The following MTDH variants were observed in gnomAD, a reference collection of about 807,000 sequenced individuals.
MTDH encodes metadherin, also known as protein LYRIC.
A neutral mutation model predicts 72.7 loss-of-function variants in MTDH; 34 were observed. That is an observed-to-expected ratio of 0.47 (90% CI 0.36 to 0.62). The LOEUF is 0.62. Among genes scored for constraint, MTDH ranks in the 20% least tolerant of loss-of-function variants. The pLI, the probability that MTDH is intolerant of heterozygous loss-of-function variation, is 0.00. For synonymous variants in MTDH, 266 were observed against 268.9 expected (o/e 0.99, Z 0.10); for missense variants, 677 against 699.4 (o/e 0.97, Z 0.36).
rs753802794 is a variant in MTDH, at chr8:97,713,671, G to T, written c.1282G>T (p.Asp428Tyr). ...TTGCTTTTAACCTAAGGTCTCAGAT[G>T]ATGATAAAGAAAAGGGAGAGGGAGC... ...PIPDDQKVSDDDKEKGEGALP... is the reference protein window; with the variant it reads ...PIPDDQKVSDYDKEKGEGALP... The change falls in exon 9 of 12, where the codon GAT becomes TAT. Residue 428 changes from aspartate (D) to tyrosine (Y), a missense_variant. Physicochemically the swap from Asp to Tyr is radical, Grantham distance 160. This residue lies in a region of MTDH where 201 missense variants were observed against 204.5 expected (regional missense o/e 0.98). Coordinates refer to ENST00000336273, the MANE Select transcript of MTDH (RefSeq NM_178812.4). 4.6e-5 allele frequency: 73 copies of T among 1,591,896 alleles called. 1 individual carries two copies. The Admixed American group carries it at 8.9e-4, about 20-fold the overall frequency.
intron 9 of MTDH, among the ~76,000 whole-genome samples, chr8:97,715,409 G>A (rs62521704): frequency 1.3e-5 from 2 of 152,166 alleles, no homozygotes; most frequent in Non-Finnish European, 2.9e-5. Flanking sequence ...GATTACAGGT[G>A]TGAGCCACCA....
rs905966776 is a variant in MTDH at position 97,725,320 on chromosome 8, A to G, written c.*650A>G. 1 of 152,604 alleles carries G rather than the reference A, an allele frequency of 6.6e-6. No homozygotes were observed. Among genetic ancestry groups the G allele is most frequent in the Admixed American group, 6.5e-5 (1 of 15,268 alleles). 9.5% of individuals were successfully genotyped at this position (152,604 alleles called of 1,614,324 possible). A position where few individuals can be genotyped will look rare whatever the true frequency, so the allele number is the denominator to read the frequency against. ...ATGAAGTTATTTTTGATAGTCTTAC[A>G]TTACTTGAATTGTTCAAAGTACAGT... On this transcript the variant is annotated 3_prime_UTR_variant, in exon 12 of 12. Coordinates refer to ENST00000336273, the MANE Select transcript of MTDH (RefSeq NM_178812.4).
In MTDH at chr8:97,723,022, G is replaced by A; in HGVS notation, c.1665G>A (p.Val555=). 1 of 1,613,824 alleles carries A rather than the reference G, an allele frequency of 6.2e-7. No homozygotes were observed. The highest frequency in any genetic ancestry group is 8.5e-7 in the Non-Finnish European group (1 of 1,179,904). ...KSKSNTKQNS[V]PPSQTKSETS... ...AGTCAAATACCAAGCAAAATAGTGT[G>A]CCTCCTTCACAGAGTAAGTAATCCT... Residue 555 remains valine, a synonymous_variant, in exon 11 of 12, where the codon GTG becomes GTA. Transcript: ENST00000336273.
chr8:97,680,070 A>G (rs13279792), intron 2 of MTDH, among the ~76,000 whole-genome samples: 3 of 151,978 alleles, frequency 2.0e-5, no homozygotes, highest in East Asian at 1.9e-4. Flanking sequence ...TTCGTCATCT[A>G]GTTTTTTTGT....
chr8:97,644,666 G>C lies in MTDH; in HGVS notation c.160G>C (p.Val54Leu). 2 of 1,608,058 alleles carry C rather than the reference G, an allele frequency of 1.2e-6. No homozygotes were observed. The highest frequency in any genetic ancestry group is 1.7e-6 in the Non-Finnish European group (2 of 1,178,518). ...ACGGTACCCCGGCTGGGTGATCCTG[G>C]TGGGCACTGGCGCGCTCGGGCTGCT... The part of the protein sequence containing the change: ...PKRYPGWVIL[V>L]GTGALGLLLL... Residue 54 changes from valine to leucine, a missense_variant, in exon 1 of 12, where the codon GTG (valine) becomes CTG (leucine). Around this residue, in one of 3 missense-constraint regions of MTDH, gnomAD observed 467 missense variants for 469.1 expected, o/e 1.00. Transcript: ENST00000336273.
chr8:97,682,918 A>G (rs1366026390), intron 2 of MTDH, among the ~76,000 whole-genome samples: 1 of 152,054 alleles, frequency 6.6e-6, no homozygotes, highest in Non-Finnish European at 1.5e-5. Flanking sequence ...TAGCTAATGT[A>G]TGATTAAATT....
chr8:97,694,786 G>T (rs1193997085), intron 6 of MTDH, among the ~76,000 whole-genome samples: 1 of 152,016 alleles, frequency 6.6e-6, no homozygotes, highest in African/African-American at 2.4e-5. Context: ...CGCTGGGCAT[G>T]GTGGCACGTG....
chr8:97,693,335 G>T lies in MTDH; in HGVS notation c.1048+2147G>T, dbSNP rs1046426162. On this transcript the variant is annotated intron_variant, in intron 6 of 11. Coordinates refer to ENST00000336273, the MANE Select transcript of MTDH (RefSeq NM_178812.4). ...AACTTTCTTGGTCATTTCTTTTTTT[G>T]TTTGCTTGTTTGTTTGTTTGAGACG... Among the ~76,000 whole-genome samples the T allele has an allele frequency of 1.4e-4, 21 of 151,150 alleles. 1 individual carries two copies. Among genetic ancestry groups the T allele is most frequent in the Non-Finnish European group, 2.1e-4 (14 of 67,764 alleles).
chr8:97,663,314 ATAAT>A (rs1406886127), intron 2 of MTDH, among the ~76,000 whole-genome samples: 1 of 152,166 alleles, frequency 6.6e-6, no homozygotes, highest in African/African-American at 2.4e-5. Context: ...GTGGTGGGAA[ATAAT>A]TATAATAGTT....
intron 2 of MTDH, among the ~76,000 whole-genome samples, chr8:97,682,785 G>A (rs370243087): frequency 3.1e-4 from 47 of 151,186 alleles, no homozygotes; most frequent in African/African-American, 1.0e-3. Context: ...CTACTTTGTC[G>A]TTAACAGACT....
At chr8:97,669,453 A>G (rs1004037628) in intron 2 of MTDH, among the ~76,000 whole-genome samples, 1 of 151,930 alleles carries the variant, frequency 6.6e-6, no homozygotes, top group South Asian at 2.1e-4. Flanking sequence ...TGGCACCACA[A>G]TATATAATTT....
chr8:97,669,349 T>C (rs928870788), intron 2 of MTDH, among the ~76,000 whole-genome samples: 2 of 151,920 alleles, frequency 1.3e-5, no homozygotes, highest in African/African-American at 4.8e-5. Context: ...GGTTTCACCA[T>C]GTTAGCCAGG....
At position 97,706,747 on chromosome 8, in the gene MTDH, A is replaced by G. The variant is rs1441466022; in HGVS notation, c.1269A>G (p.Gln423=). The G allele has an allele frequency of 1.2e-6, 2 of 1,613,056 alleles. No homozygotes were observed. The highest frequency in any genetic ancestry group is 1.7e-6 in the Non-Finnish European group (2 of 1,179,556). ...CCCAGGAACCAATTCCTGATGATCAAAAGGTGAGTATAAGAGATTCCTGGG... is the reference window on the plus strand; with the variant it reads ...CCCAGGAACCAATTCCTGATGATCAGAAGGTGAGTATAAGAGATTCCTGGG... ...LKSQEPIPDD[Q]KVSDDDKEKG... is the part of the protein sequence containing the mutation. The change falls in exon 8 of 12, where the codon CAA becomes CAG. Residue 423 remains glutamine (Q), a synonymous_variant. Transcript: ENST00000336273.
chr8:97,691,677 G>A (rs1230138933), intron 6 of MTDH, among the ~76,000 whole-genome samples: 1 of 151,592 alleles, frequency 6.6e-6, no homozygotes, highest in East Asian at 1.9e-4. Flanking sequence ...CAAGTTAAAA[G>A]CAGCTTAATT....
At position 97,704,578 on chromosome 8, in the gene MTDH, C is replaced by T. The variant is rs372479331; in HGVS notation, c.1148-2048C>T. ...GAACTATGATTATACCACTGCAGTCCAGCCTGGGTGACAGAATAAGACCCT... is the reference window on the plus strand; with the variant it reads ...GAACTATGATTATACCACTGCAGTCTAGCCTGGGTGACAGAATAAGACCCT... On this transcript the variant is annotated intron_variant, in intron 7 of 11. Coordinates refer to ENST00000336273, the MANE Select transcript of MTDH (RefSeq NM_178812.4). 2.6e-5 allele frequency among the ~76,000 whole-genome samples: 4 copies of T among 151,944 alleles called. 1 individual carries two copies. Among genetic ancestry groups the T allele is most frequent in the East Asian group, 1.9e-4 (1 of 5,158 alleles).
chr8:97,661,429 A>G (rs973462531), intron 2 of MTDH, among the ~76,000 whole-genome samples: 6 of 152,234 alleles, frequency 3.9e-5, no homozygotes, highest in African/African-American at 1.4e-4. Flanking sequence ...AAAACAATTC[A>G]TTCACAACTT....
At chr8:97,678,109 G>A (rs543677219) in intron 2 of MTDH, among the ~76,000 whole-genome samples, 12 of 152,156 alleles carry the variant, frequency 7.9e-5, no homozygotes, top group Non-Finnish European at 1.8e-4. Flanking sequence ...TAACATTAAA[G>A]CTTGGGAGTA....
At chr8:97,681,399 C>G (rs777408414) in intron 2 of MTDH, among the ~76,000 whole-genome samples, 8 of 149,242 alleles carry the variant, frequency 5.4e-5, no homozygotes, top group Admixed American at 1.3e-4. Context: ...TAGGAAATAT[C>G]TGCAGCGGTT....
intron 2 of MTDH, among the ~76,000 whole-genome samples, chr8:97,682,230 T>A (rs775635733): frequency 1.3e-3 from 43 of 33,744 alleles, no homozygotes; most frequent in South Asian, 3.1e-3. Context: ...GTTAATTACT[T>A]TATATATATA....
Sources: gnomAD v4.1 joint callset for allele counts (sites outside exome capture counted in the v4.1 genomes callset) on GRCh38, gnomAD v4.1.1 for gene constraint, gnomAD v4.1.1 regional missense constraint, MANE v1.5 for transcripts, NCBI Gene and HGNC (gene_info 2026-07-23, HGNC 2026-07-21) for gene names.